Variants in CERS6 observed in about 807,000 individuals in gnomAD.
CERS6 encodes the protein ceramide synthase 6, also known as LAG1 homolog, ceramide synthase 6.
Under a neutral mutation model 56.8 loss-of-function variants are expected in CERS6, and 26 were observed. The observed-to-expected ratio is 0.46, with a 90% CI of 0.34 to 0.63. CERS6 has a LOEUF of 0.63. CERS6 is among the 30% of genes least tolerant of loss of function. CERS6 has a pLI of 0.01. For missense variants in CERS6, 415 were observed against 467.5 expected (o/e 0.89, Z 1.04); for synonymous variants, 164 against 173.3 (o/e 0.95, Z 0.42).
chr2:168,645,113 AAAAATATAT>A (rs1685149540), intron 4 of CERS6, among the ~76,000 whole-genome samples: 6 of 49,976 alleles, frequency 1.2e-4, no homozygotes, highest in East Asian at 1.1e-3. Context: ...AAAAAAAAAA[AAAAATATAT>A]ATATATATAT....
rs1182940691 is a variant in CERS6 at position 168,548,081 on chromosome 2, A to G, written c.276+380A>G. ...ATGTGATTTATGTGTGTGCGAAAAA[A>G]GGGACCTCTTGGCTTGTAGCATTGT... On this transcript the variant is annotated intron_variant, in intron 2 of 9. Coordinates refer to ENST00000305747, the MANE Select transcript of CERS6 (RefSeq NM_203463.3). Among the ~76,000 whole-genome samples, 6 of 152,226 alleles carry G rather than the reference A, an allele frequency of 3.9e-5. No homozygotes were observed. In the East Asian group the frequency reaches 7.7e-4, roughly 20 times the overall value.
intron 1 of CERS6, among the ~76,000 whole-genome samples, chr2:168,520,184 G>A (rs1338463947): frequency 3.3e-5 from 5 of 152,098 alleles, no homozygotes; most frequent in African/African-American, 9.7e-5. Flanking sequence ...GATGATTAGT[G>A]ATGTTGAACA....
chr2:168,561,145 A>C, intron 2 of CERS6, 47 bp from the exon 3 acceptor site: 1 of 1,606,448 alleles, frequency 6.2e-7, no homozygotes, highest in Non-Finnish European at 8.5e-7. Context: ...TTTATAGTGA[A>C]AATGAAAATG....
At chr2:168,657,274 C>A (rs1685502784) in intron 4 of CERS6, among the ~76,000 whole-genome samples, 1 of 152,240 alleles carries the variant, frequency 6.6e-6, no homozygotes, top group African/African-American at 2.4e-5. Context: ...ACTCACAAAC[C>A]TTGAGCTAAA....
intron 8 of CERS6, among the ~76,000 whole-genome samples, chr2:168,725,604 C>T (rs1683328265): frequency 1.3e-5 from 2 of 152,156 alleles, no homozygotes; most frequent in Admixed American, 6.5e-5. Context: ...CCAGATGGTG[C>T]TGTATGTAGT....
chr2:168,670,230 A>G lies in CERS6; in HGVS notation c.466-20804A>G, dbSNP rs73970095. Among the ~76,000 whole-genome samples the G allele has an allele frequency of 9.1e-3, 1,389 of 152,330 alleles. 23 individuals carry two copies. The highest frequency in any genetic ancestry group is 0.032 in the African/African-American group (1,312 of 41,568). Reference sequence around the variant, plus strand: ...TATTTTTTAAGCTGATAGGATGTCAATTTAAATGAAGGAGTAGTTAAGGGG... The same window carrying G: ...TATTTTTTAAGCTGATAGGATGTCAGTTTAAATGAAGGAGTAGTTAAGGGG... On this transcript the variant is annotated intron_variant, in intron 4 of 9. Transcript: ENST00000305747.
At chr2:168,599,736 A>G (rs1286543309) in intron 3 of CERS6, among the ~76,000 whole-genome samples, 2 of 152,222 alleles carry the variant, frequency 1.3e-5, no homozygotes, top group African/African-American at 4.8e-5. Context: ...CAATCCTTCC[A>G]GGTTATAAAG....
chr2:168,758,815 G>A (rs140534146), intron 8 of CERS6, among the ~76,000 whole-genome samples: 52 of 152,234 alleles, frequency 3.4e-4, no homozygotes, highest in Non-Finnish European at 4.3e-4. Flanking sequence ...TTTACACTGC[G>A]CTCTGTGACA....
chr2:168,691,962 A>G (rs1056080254), intron 5 of CERS6, among the ~76,000 whole-genome samples: 1 of 152,114 alleles, frequency 6.6e-6, no homozygotes, highest in Non-Finnish European at 1.5e-5. Context: ...GCACAGTCCT[A>G]TGGGGAGCAG....
At position 168,666,808 on chromosome 2, in the gene CERS6, C is replaced by A. The variant is rs75293488; in HGVS notation, c.466-24226C>A. ...TTTTCAGGTTCTCCTCTCTTGGAGT[C>A]TCCTAAAACCATATTCCAATGCTGT... On this transcript the variant is annotated intron_variant, in intron 4 of 9. Coordinates refer to ENST00000305747, the MANE Select transcript of CERS6 (RefSeq NM_203463.3). Among the ~76,000 whole-genome samples, 505 of 152,264 alleles carry A rather than the reference C, an allele frequency of 3.3e-3. 5 individuals are homozygous for A. Among genetic ancestry groups the A allele is most frequent in the African/African-American group, 0.012 (493 of 41,542 alleles).
At chr2:168,768,640 T>C (rs112349002) in intron 9 of CERS6, among the ~76,000 whole-genome samples, 12,727 of 151,946 alleles carry the variant, frequency 0.084, 672 homozygotes, top group Middle Eastern at 0.12. Flanking sequence ...GCACGGTGTC[T>C]CACACCTGTA....
At chr2:168,768,396 A>AT (rs575098081) in intron 9 of CERS6, among the ~76,000 whole-genome samples, 11,444 of 143,310 alleles carry the variant, frequency 0.08, 526 homozygotes, top group Non-Finnish European at 0.11. Flanking sequence ...CACCCGGCTA[A>AT]TTTTTTTTTT....
chr2:168,596,371 A>T (rs1011949876), intron 3 of CERS6, among the ~76,000 whole-genome samples: 3 of 152,060 alleles, frequency 2.0e-5, no homozygotes, highest in Admixed American at 1.3e-4. Flanking sequence ...TTCTTGGTGT[A>T]GTTTTTACTG....
chr2:168,603,152 G>A (rs1330987340), intron 3 of CERS6, among the ~76,000 whole-genome samples: 1 of 152,136 alleles, frequency 6.6e-6, no homozygotes, highest in Non-Finnish European at 1.5e-5. Flanking sequence ...GATGTTTGTA[G>A]CACCATGATA....
chr2:168,578,360 T>C (rs1004883217), intron 3 of CERS6, among the ~76,000 whole-genome samples: 2 of 152,136 alleles, frequency 1.3e-5, no homozygotes, highest in Non-Finnish European at 2.9e-5. Flanking sequence ...TTGTGTCTTT[T>C]AGTTCATTAT....
intron 1 of CERS6, among the ~76,000 whole-genome samples, chr2:168,531,366 G>A (rs972744188): frequency 2.0e-5 from 3 of 152,164 alleles, no homozygotes; most frequent in Non-Finnish European, 1.5e-5. Context: ...GAAACATACA[G>A]GGAGATTTCA....
intron 8 of CERS6, among the ~76,000 whole-genome samples, chr2:168,762,664 C>A (rs1684616056): frequency 6.6e-6 from 1 of 152,072 alleles, no homozygotes; most frequent in Non-Finnish European, 1.5e-5. Flanking sequence ...AGGTATTATT[C>A]TTTTAATGAC....
intron 8 of CERS6, among the ~76,000 whole-genome samples, chr2:168,728,387 CTTTTTTT>C (rs397872513): frequency 1.0e-5 from 1 of 97,556 alleles, no homozygotes; most frequent in Non-Finnish European, 2.0e-5. Flanking sequence ...TGCAACTACT[CTTTTTTT>C]TTTTTTTTTT....
At chr2:168,742,734 T>C (rs1683954215) in intron 8 of CERS6, among the ~76,000 whole-genome samples, 1 of 152,104 alleles carries the variant, frequency 6.6e-6, no homozygotes, top group African/African-American at 2.4e-5. Flanking sequence ...GAAAGATTGA[T>C]GGACAGGAGG....
Sources: allele counts gnomAD v4.1 joint callset (sites outside exome capture counted in the v4.1 genomes callset), GRCh38; gene constraint gnomAD v4.1.1; transcripts MANE v1.5; gene names NCBI Gene and HGNC (gene_info 2026-07-23, HGNC 2026-07-21).